The following CINP variants were observed in gnomAD, a reference collection of about 807,000 sequenced individuals.
CINP encodes cyclin dependent kinase 2 interacting protein.
In CINP, 11 loss-of-function variants were observed where a neutral mutation model predicts 20.5. That is an observed-to-expected ratio of 0.54 (90% CI 0.34 to 0.89). The LOEUF (loss-of-function observed/expected upper bound fraction) is 0.89. CINP is among the 40% of genes least tolerant of loss of function. The pLI, the probability that CINP is intolerant of heterozygous loss-of-function variation, is 0.02. For synonymous variants in CINP, 108 were observed against 102.1 expected (o/e 1.06, Z -0.35); for missense variants, 213 against 251.0 (o/e 0.85, Z 1.02).
rs1886796985 is a variant in CINP, at chr14:102,348,576, G to GTCTCCAGCAGCATGC, written c.605_619dup (p.Ser202_Glu206dup). On this transcript the variant is annotated inframe_insertion, in exon 5 of 5. Transcript: ENST00000216756. ...AGGACGTCAGAGAGCTCGGTGGCCT[G>GTCTCCAGCAGCATGC]TCTCCAGCAGCATGCTCTCCAGATG... 1 of 1,611,548 alleles carries GTCTCCAGCAGCATGC rather than the reference G, an allele frequency of 6.2e-7. No homozygotes were observed. The highest frequency in any genetic ancestry group is 1.3e-5 in the African/African-American group (1 of 74,908).
chr14:102,349,419 T>C (rs1886817580), intron 4 of CINP, among the ~76,000 whole-genome samples: 1 of 152,160 alleles, frequency 6.6e-6, no homozygotes, highest in Non-Finnish European at 1.5e-5. Context: ...TCAAATAGCT[T>C]ACCCTTGTCT....
At chr14:102,354,495 G>A (rs1405701381) in intron 3 of CINP, among the ~76,000 whole-genome samples, 1 of 152,174 alleles carries the variant, frequency 6.6e-6, no homozygotes, top group Non-Finnish European at 1.5e-5. Flanking sequence ...GGTGGCTCAC[G>A]CCTGTAATCC....
intron 3 of CINP, chr14:102,355,482 T>G (rs895211936): frequency 1.2e-5 from 3 of 257,554 alleles, no homozygotes; most frequent in African/African-American, 6.8e-5. Context: ...GCCATTGCAC[T>G]CCAGCCTGGG....
chr14:102,358,768 G>T (rs879565584), intron 2 of CINP, among the ~76,000 whole-genome samples: 1 of 152,138 alleles, frequency 6.6e-6, no homozygotes, highest in African/African-American at 2.4e-5. Context: ...ATCCAAAAAT[G>T]GATGAAAAGA....
intron 3 of CINP, among the ~76,000 whole-genome samples, chr14:102,354,937 C>T (rs1416811502): frequency 6.6e-6 from 1 of 151,684 alleles, no homozygotes; most frequent in Non-Finnish European, 1.5e-5. Flanking sequence ...CATGTGGTGG[C>T]ACGAGCCTGT....
In CINP at chr14:102,348,564, G is replaced by A. The variant is rs1391163065; in HGVS notation, c.632C>T (p.Ala211Val). 9.9e-6 allele frequency: 16 copies of A among 1,609,764 alleles called. No individual in the cohort carries two copies. The Admixed American group carries it at 2.5e-4, about 25-fold the overall frequency. Residue 211 changes from alanine (A) to valine (V), a missense_variant, in exon 5 of 5, where the codon GCT becomes GTT. By Grantham distance (64) the Ala-to-Val change is moderately conservative. Coordinates refer to ENST00000216756, the MANE Select transcript of CINP (RefSeq NM_032630.3). ...ESMLLETGHR[A>V]L Reference sequence around the variant, plus strand: ...CGCAGCCGTCTCAGGACGTCAGAGAGCTCGGTGGCCTGTCTCCAGCAGCAT... The same window carrying A: ...CGCAGCCGTCTCAGGACGTCAGAGAACTCGGTGGCCTGTCTCCAGCAGCAT...
In CINP at chr14:102,350,821, T is replaced by TC. The variant is rs1381077235; in HGVS notation, c.307-774_307-773insG. On this transcript the variant is annotated intron_variant, in intron 3 of 4. Coordinates refer to ENST00000216756, the MANE Select transcript of CINP (RefSeq NM_032630.3). Reference sequence around the variant, plus strand: ...CTCTCTCTCTCTCTTTTTTTTTTTTTTTTTTGAGACGGAGTCTTGCTCTGT... The same window carrying TC: ...CTCTCTCTCTCTCTTTTTTTTTTTTTCTTTTTGAGACGGAGTCTTGCTCTGT... Among the ~76,000 whole-genome samples, 4 of 150,568 alleles carry TC rather than the reference T, an allele frequency of 2.7e-5. No homozygotes were observed. The East Asian group carries it at 7.8e-4, about 29-fold the overall frequency.
At chr14:102,361,833 T>C (rs1233379308) in intron 1 of CINP, among the ~76,000 whole-genome samples, 1 of 152,172 alleles carries the variant, frequency 6.6e-6, no homozygotes, top group African/African-American at 2.4e-5. Context: ...AATTATCTGA[T>C]TTAGGTTTTT....
At chr14:102,355,987 C>T in intron 2 of CINP, 90 bp from the exon 3 acceptor site, 1 of 1,353,074 alleles carries the variant, frequency 7.4e-7, no homozygotes, top group Non-Finnish European at 1.0e-6. Flanking sequence ...TCTATATCCA[C>T]ATAGTTACGT....
In CINP at chr14:102,348,689, C is replaced by G; in HGVS notation, c.507G>C (p.Glu169Asp). 6.2e-7 allele frequency: 1 copy of G among 1,613,978 alleles called. No individual in the cohort carries two copies. Residue 169 changes from glutamate (E) to aspartate (D), a missense_variant, in exon 5 of 5, where the codon GAG becomes GAC. Physicochemically the swap from Glu to Asp is conservative, Grantham distance 45. Coordinates refer to ENST00000216756, the MANE Select transcript of CINP (RefSeq NM_032630.3). Reference protein sequence around the residue: ...ELLLKRTVAKELAHTGDPDLT... With the variant: ...ELLLKRTVAKDLAHTGDPDLT... ...GGTCGGGATCCCCGGTGTGGGCAAG[C>G]TCCTTGGCCACCGTGCGCTTCAGGA...
chr14:102,356,706 C>A (rs183604039), intron 2 of CINP, among the ~76,000 whole-genome samples: 48 of 152,282 alleles, frequency 3.2e-4, no homozygotes, highest in African/African-American at 1.1e-3. Flanking sequence ...GTAATTCTTA[C>A]AATATTTCAA....
At chr14:102,362,185 T>C (rs1029285737) in intron 1 of CINP, among the ~76,000 whole-genome samples, 1 of 152,212 alleles carries the variant, frequency 6.6e-6, no homozygotes, top group Non-Finnish European at 1.5e-5. Context: ...GCCTGACTCA[T>C]ACGGGGCACA....
At chr14:102,362,586 G>A (rs1203558102) in intron 1 of CINP, 2 of 705,922 alleles carry the variant, frequency 2.8e-6, no homozygotes, top group African/African-American at 1.7e-5. Flanking sequence ...TTTGGATGTC[G>A]GATCTGCTGA....
intron 4 of CINP, among the ~76,000 whole-genome samples, chr14:102,349,237 G>A (rs1886814532): frequency 6.6e-6 from 1 of 152,198 alleles, no homozygotes; most frequent in African/African-American, 2.4e-5. Flanking sequence ...AGGCGTGACA[G>A]AGCGAGACTC....
rs986553682 is a variant in CINP at position 102,351,003 on chromosome 14, T to C, written c.307-955A>G. Among the ~76,000 whole-genome samples the C allele has an allele frequency of 4.6e-5, 7 of 152,006 alleles. No individual in the cohort carries two copies. Among genetic ancestry groups the C allele is most frequent in the Non-Finnish European group, 1.0e-4 (7 of 68,002 alleles). On this transcript the variant is annotated intron_variant, in intron 3 of 4. Transcript: ENST00000216756. The surrounding 1 kb of genome is among the most constrained non-coding windows in gnomAD (Gnocchi z 4.2). ...ACCACGCCCAGCTAATTTGTGTATTTTTAGTAGAGACGGGGTTTCACCATG... is the reference window on the plus strand; with the variant it reads ...ACCACGCCCAGCTAATTTGTGTATTCTTAGTAGAGACGGGGTTTCACCATG...
chr14:102,358,581 T>G (rs960655860), intron 2 of CINP, among the ~76,000 whole-genome samples: 1 of 152,104 alleles, frequency 6.6e-6, no homozygotes, highest in Non-Finnish European at 1.5e-5. Context: ...CTCAGGAGGC[T>G]GAGACAGGAG....
intron 1 of CINP, chr14:102,362,483 A>C: frequency 1.4e-6 from 1 of 695,824 alleles, no homozygotes; most frequent in Non-Finnish European, 2.6e-6. Context: ...GACTGAGGGC[A>C]GTTCAGAGAG....
intron 3 of CINP, among the ~76,000 whole-genome samples, chr14:102,354,144 T>A (rs1414443100): frequency 6.6e-6 from 1 of 152,222 alleles, no homozygotes; most frequent in East Asian, 1.9e-4. Context: ...TTATCCAAGT[T>A]CAAATATGTG....
At chr14:102,360,075 C>T (rs564986399) in intron 1 of CINP, among the ~76,000 whole-genome samples, 118 of 152,204 alleles carry the variant, frequency 7.8e-4, no homozygotes, top group Non-Finnish European at 1.5e-3. Flanking sequence ...GAGTTGATCA[C>T]GATGCTGCCA....
Sources: gnomAD v4.1 joint callset for allele counts (sites outside exome capture counted in the v4.1 genomes callset) on GRCh38, gnomAD v4.1.1 for gene constraint, Gnocchi (gnomAD v3.1) non-coding constraint, MANE v1.5 for transcripts, NCBI Gene and HGNC (gene_info 2026-07-23, HGNC 2026-07-21) for gene names.